Variants in FBN2 observed in about 807,000 individuals in gnomAD.
FBN2 encodes the protein fibrillin 2.
A neutral mutation model predicts 355.6 loss-of-function variants in FBN2; 105 were observed. The ratio of observed to expected loss-of-function variants is 0.30; its 90% CI spans 0.25 to 0.35. The LOEUF (loss-of-function observed/expected upper bound fraction) is 0.35. Ranked by LOEUF, FBN2 falls within the 10% of genes least tolerant of loss-of-function variation. The pLI is 1.00. For synonymous variants in FBN2, 1,350 were observed against 1,301.2 expected (o/e 1.04, Z -0.81); for missense variants, 3,280 against 3,758.7 (o/e 0.87, Z 3.33).
chr5:128,535,321 C>T (rs1285829919), intron 2 of FBN2, among the ~76,000 whole-genome samples: 21 of 150,482 alleles, frequency 1.4e-4, no homozygotes, highest in Admixed American at 1.4e-3. Context: ...TATCTCAAAA[C>T]CACAAAACCA....
intron 6 of FBN2, among the ~76,000 whole-genome samples, chr5:128,462,912 T>C (rs904903542): frequency 3.9e-5 from 6 of 152,128 alleles, no homozygotes; most frequent in African/African-American, 1.2e-4. Flanking sequence ...CTACTGTATA[T>C]TAGGCACTGT....
chr5:128,298,540 T>G (rs1161474312), intron 48 of FBN2, among the ~76,000 whole-genome samples: 1 of 152,044 alleles, frequency 6.6e-6, no homozygotes. Context: ...TCATTTCTTT[T>G]TATTCTTTTT....
At chr5:128,286,648 G>C in intron 55 of FBN2, 70 bp downstream of exon 55, 1 of 1,560,582 alleles carries the variant, frequency 6.4e-7, no homozygotes, top group Admixed American at 1.7e-5. Flanking sequence ...AAGATGATGT[G>C]GGAGTAGTGC....
chr5:128,259,516 T>G lies in FBN2; in HGVS notation c.8678A>C (p.Asp2893Ala). ...LKKLEESNED[D>A]YLLGELGEAL... ...CTCCCCAAGCTCCCCTAGGAGGTAG[T>G]CATCCTCATTGCTCTCTTCCAGTTT... The change falls in exon 65 of 65, where the codon GAC becomes GCC. Residue 2893 changes from aspartate to alanine, a missense_variant. Asp to Ala is a moderately radical substitution (Grantham distance 126, BLOSUM62 -2). Coordinates refer to ENST00000262464, the MANE Select transcript of FBN2 (RefSeq NM_001999.4). 6.2e-7 allele frequency: 1 copy of G among 1,613,992 alleles called. No individual in the cohort carries two copies. Among genetic ancestry groups the G allele is most frequent in the Non-Finnish European group, 8.5e-7 (1 of 1,179,982 alleles).
At chr5:128,317,469 G>T (rs1581211691) in intron 36 of FBN2, among the ~76,000 whole-genome samples, 1 of 152,082 alleles carries the variant, frequency 6.6e-6, no homozygotes, top group African/African-American at 2.4e-5. Context: ...CCTTCCATTT[G>T]CTGCAGGCCC....
chr5:128,456,617 T>A (rs1754401920), intron 6 of FBN2, among the ~76,000 whole-genome samples: 1 of 152,182 alleles, frequency 6.6e-6, no homozygotes, highest in South Asian at 2.1e-4. Flanking sequence ...TCTAGTCTCC[T>A]TGAGTGACAT....
At chr5:128,328,586 G>T (rs184558146) in intron 34 of FBN2, 110 bp downstream of exon 34, 3 of 1,101,922 alleles carry the variant, frequency 2.7e-6, no homozygotes, top group Non-Finnish European at 4.1e-6. Flanking sequence ...TTATAGTGCA[G>T]CATGTGCTAT....
At chr5:128,286,676 G>GT (rs1386440319) in intron 55 of FBN2, 42 bp downstream of exon 55, 2 of 1,612,102 alleles carry the variant, frequency 1.2e-6, no homozygotes, top group African/African-American at 1.3e-5. Context: ...GAGGCTGGGA[G>GT]TGGAGGCATT....
chr5:128,520,234 G>A (rs1206576227), intron 4 of FBN2, among the ~76,000 whole-genome samples: 1 of 152,106 alleles, frequency 6.6e-6, no homozygotes, highest in East Asian at 1.9e-4. Flanking sequence ...GCCGTGCACT[G>A]CAACTCGGTT....
intron 23 of FBN2, among the ~76,000 whole-genome samples, chr5:128,348,448 C>T (rs538045176): frequency 3.7e-4 from 56 of 152,034 alleles, no homozygotes; most frequent in Admixed American, 1.0e-3. Flanking sequence ...TTTAAATGTG[C>T]TATCAAAAAC....
intron 8 of FBN2, among the ~76,000 whole-genome samples, chr5:128,400,723 C>G (rs1259300750): frequency 6.6e-6 from 1 of 152,126 alleles, no homozygotes; most frequent in Non-Finnish European, 1.5e-5. Context: ...ACAAAATAAA[C>G]AAGAAAACAT....
chr5:128,535,929 G>A (rs1418773028), intron 2 of FBN2, among the ~76,000 whole-genome samples: 1 of 151,930 alleles, frequency 6.6e-6, no homozygotes, highest in Non-Finnish European at 1.5e-5. Flanking sequence ...TAGGTTATGT[G>A]GTTGTTGATA....
chr5:128,338,402 G>A (rs1196901260), intron 26 of FBN2, among the ~76,000 whole-genome samples: 1 of 152,108 alleles, frequency 6.6e-6, no homozygotes, highest in Non-Finnish European at 1.5e-5. Context: ...ATATCACCAC[G>A]GACTCATGAT....
At chr5:128,531,797 C>T (rs1031539117) in intron 2 of FBN2, among the ~76,000 whole-genome samples, 1 of 151,026 alleles carries the variant, frequency 6.6e-6, no homozygotes, top group Admixed American at 6.6e-5. Context: ...CCAAACAGTA[C>T]AATGGATCTC....
At chr5:128,402,791 G>A (rs979011554) in intron 8 of FBN2, among the ~76,000 whole-genome samples, 5 of 152,146 alleles carry the variant, frequency 3.3e-5, no homozygotes, top group Non-Finnish European at 7.3e-5. Context: ...CTCTTTGATG[G>A]TCTGGTTCCA....
In FBN2 at chr5:128,446,608, T is replaced by C. The variant is rs1561461125; in HGVS notation, c.827-2A>G. ...GGATAGCCTGGCATTCATCAACATC[T>C]GCAAGAAGAAAACATTTTGAACACA... On this transcript the variant is annotated splice_acceptor_variant, in intron 6 of 64. Coordinates refer to ENST00000262464, the MANE Select transcript of FBN2 (RefSeq NM_001999.4). LOFTEE classifies it high-confidence loss of function. 1.9e-6 allele frequency: 3 copies of C among 1,613,408 alleles called. No individual in the cohort carries two copies. The highest frequency in any genetic ancestry group is 2.2e-5 in the East Asian group (1 of 44,828).
At chr5:128,309,122 T>C (rs906668321) in intron 41 of FBN2, 125 bp downstream of exon 41, 1 of 935,990 alleles carries the variant, frequency 1.1e-6, no homozygotes, top group Non-Finnish European at 1.7e-6. Flanking sequence ...AACCATATGA[T>C]GCTCTTGGGA....
chr5:128,452,196 T>C (rs1039708134), intron 6 of FBN2, among the ~76,000 whole-genome samples: 1 of 152,172 alleles, frequency 6.6e-6, no homozygotes, highest in Non-Finnish European at 1.5e-5. Context: ...CAAAGTCCTA[T>C]CACAAGCAAC....
chr5:128,327,725 G>A (rs1048404629), intron 34 of FBN2, among the ~76,000 whole-genome samples: 8 of 151,654 alleles, frequency 5.3e-5, no homozygotes, highest in South Asian at 2.1e-4. Flanking sequence ...CGCAACCTCC[G>A]CCTCCAGGGT....
Sources: allele counts gnomAD v4.1 joint callset (sites outside exome capture counted in the v4.1 genomes callset), GRCh38; gene constraint gnomAD v4.1.1; transcripts MANE v1.5; gene names NCBI Gene and HGNC (gene_info 2026-07-23, HGNC 2026-07-21).